The following TSPOAP1 variants were observed in gnomAD, a reference collection of about 807,000 sequenced individuals.
The protein encoded by TSPOAP1 is peripheral-type benzodiazepine receptor-associated protein 1.
A neutral mutation model predicts 197.0 loss-of-function variants in TSPOAP1; 87 were observed. That is an observed-to-expected ratio of 0.44 (90% CI 0.37 to 0.53). The LOEUF is 0.53. TSPOAP1 is among the 20% of genes least tolerant of loss of function. The pLI is 0.00. For missense variants in TSPOAP1, 2,174 were observed against 2,411.3 expected (o/e 0.90, Z 2.06); for synonymous variants, 913 against 998.9 (o/e 0.91, Z 1.62).
chr17:58,311,869 C>A (rs1367539091), intron 17 of TSPOAP1, 23 bp downstream of exon 17: 2 of 1,512,920 alleles, frequency 1.3e-6, no homozygotes, highest in East Asian at 4.6e-5. Flanking sequence ...GTGTTCTGGA[C>A]AACAGGGCCC....
chr17:58,307,027 C>T (rs964837309), intron 24 of TSPOAP1, 59 bp from the exon 25 acceptor site: 8 of 1,544,032 alleles, frequency 5.2e-6, no homozygotes, highest in East Asian at 2.3e-5. Flanking sequence ...CCCTAGGCCC[C>T]GAACCCCAGC....
rs1316754316 is a variant in TSPOAP1, at chr17:58,326,374, C to A, written c.489G>T (p.Lys163Asn). The A allele has an allele frequency of 6.2e-7, 1 of 1,614,056 alleles. No individual in the cohort carries two copies. The highest frequency in any genetic ancestry group is 2.2e-5 in the East Asian group (1 of 44,884). The change falls in exon 3 of 32, where the codon AAG becomes AAT. Residue 163 changes from lysine to asparagine, a missense_variant. Lys to Asn is a moderately conservative substitution (Grantham distance 94). Coordinates refer to ENST00000343736, the MANE Select transcript of TSPOAP1 (RefSeq NM_004758.4). This position sits in a 1 kb window ranked among gnomAD's most constrained non-coding sequence, Gnocchi z 4.7. ...PETEEKVRRL[K>N]RKNAELAVIA... The stretch of plus-strand genomic sequence containing the variant: ...TGACCGCCAGCTCGGCGTTCTTCCT[C>A]TTCAGCCTCCGCACCTTCTCTTCTG...
In TSPOAP1 at chr17:58,308,630, G is replaced by T; in HGVS notation, c.4642C>A (p.Pro1548Thr). 1 of 1,607,924 alleles carries T rather than the reference G, an allele frequency of 6.2e-7. No individual in the cohort carries two copies. The highest frequency in any genetic ancestry group is 8.5e-7 in the Non-Finnish European group (1 of 1,176,102). Residue 1548 changes from proline (P) to threonine (T), a missense_variant, in exon 22 of 32, where the codon CCC becomes ACC. Physicochemically the swap from Pro to Thr is conservative, Grantham distance 38 (BLOSUM62 -1). Coordinates refer to ENST00000343736, the MANE Select transcript of TSPOAP1 (RefSeq NM_004758.4). ...TCCCAGGCTGGGAGGCGTGGGTAGG[G>T]CTTGGGGCCTGAATTGGCCTTCGGA... ...GPPKANSGPK[P>T]YPRLPAWEKG...
In TSPOAP1 at chr17:58,304,357, T is replaced by G. The variant is rs771370068; in HGVS notation, c.*13A>C. ...ACTTACATGTTGCTCTCTCTACATA[T>G]ATCTATCTCCATCTAGCACTGGACT... On this transcript the variant is annotated 3_prime_UTR_variant, in exon 31 of 32. Coordinates refer to ENST00000343736, the MANE Select transcript of TSPOAP1 (RefSeq NM_004758.4). The surrounding 1 kb of genome is among the most constrained non-coding windows in gnomAD (Gnocchi z 4.2). 6.2e-7 allele frequency: 1 copy of G among 1,613,906 alleles called. No homozygotes were observed. The highest frequency in any genetic ancestry group is 8.5e-7 in the Non-Finnish European group (1 of 1,179,768).
Position 58,305,913 on chromosome 17 carries a change from G to A in TSPOAP1, c.5225-48C>T, listed in dbSNP as rs779201128. 32 of 1,195,106 alleles carry A rather than the reference G, an allele frequency of 2.7e-5. No homozygotes were observed. The African/African-American group carries it at 4.2e-4, about 16-fold the overall frequency. The allele number at this position is 1,195,106 out of a possible 1,614,324, so 74.0% of individuals were successfully genotyped here. On this transcript the variant is annotated intron_variant, in intron 26 of 31. Coordinates refer to ENST00000343736, the MANE Select transcript of TSPOAP1 (RefSeq NM_004758.4). ...AGCCCCCTCCCACCCTGCCCACCCA[G>A]GCTGCAGGTGCTGCAGCGCAGGCCA...
rs531882972 is a variant in TSPOAP1, at chr17:58,304,788, T to C, written c.5544+273A>G. ...AGGGGTCCTTTTCCACAGGGCCCCCTCACCTGCGTCAGCCACCAGGTGTTG... is the reference window on the plus strand; with the variant it reads ...AGGGGTCCTTTTCCACAGGGCCCCCCCACCTGCGTCAGCCACCAGGTGTTG... On this transcript the variant is annotated intron_variant, in intron 30 of 31. Coordinates refer to ENST00000343736, the MANE Select transcript of TSPOAP1 (RefSeq NM_004758.4). This position sits in a 1 kb window ranked among gnomAD's most constrained non-coding sequence, Gnocchi z 4.2. 3.3e-6 allele frequency: 2 copies of C among 603,184 alleles called. No individual in the cohort carries two copies. Among genetic ancestry groups the C allele is most frequent in the East Asian group, 5.8e-5 (2 of 34,538 alleles). 37.4% of individuals were successfully genotyped at this position (603,184 alleles called of 1,614,324 possible).
Position 58,328,170 on chromosome 17 carries a change from G to A in TSPOAP1, c.-250C>T, listed in dbSNP as rs1201904997. 5 of 548,742 alleles carry A rather than the reference G, an allele frequency of 9.1e-6. No individual in the cohort carries two copies. Among genetic ancestry groups the A allele is most frequent in the Non-Finnish European group, 1.6e-5 (5 of 304,902 alleles). 34.0% of individuals were successfully genotyped at this position (548,742 alleles called of 1,614,324 possible). A position where few individuals can be genotyped will look rare whatever the true frequency, so the allele number is the denominator to read the frequency against. ...AGCTGTGTGTGTGCGCGAGTATGTGGAGGAGCGAGGGTGTCCCTGTGGGGG... is the reference window on the plus strand; with the variant it reads ...AGCTGTGTGTGTGCGCGAGTATGTGAAGGAGCGAGGGTGTCCCTGTGGGGG... On this transcript the variant is annotated 5_prime_UTR_variant, in exon 1 of 32. Coordinates refer to ENST00000343736, the MANE Select transcript of TSPOAP1 (RefSeq NM_004758.4). The surrounding 1 kb of genome is among the most constrained non-coding windows in gnomAD (Gnocchi z 4.3).
chr17:58,320,091 T>C lies in TSPOAP1; in HGVS notation c.1494+18A>G, dbSNP rs1195941019. 2 of 1,613,646 alleles carry C rather than the reference T, an allele frequency of 1.2e-6. No individual in the cohort carries two copies. Among genetic ancestry groups the C allele is most frequent in the Non-Finnish European group, 1.7e-6 (2 of 1,179,898 alleles). The stretch of plus-strand genomic sequence containing the variant: ...GCCAGCCTGGAGAGGTGTGGGGAAG[T>C]GGAGAACGAGGCGCTACCTGCATGG... On this transcript the variant is annotated intron_variant, in intron 12 of 31. Coordinates refer to ENST00000343736, the MANE Select transcript of TSPOAP1 (RefSeq NM_004758.4).
At position 58,308,554 on chromosome 17, in the gene TSPOAP1, T is replaced by C. The variant is rs1236294622; in HGVS notation, c.4718A>G (p.Glu1573Gly). The C allele has an allele frequency of 6.5e-7, 1 of 1,534,258 alleles. No individual in the cohort carries two copies. Among genetic ancestry groups the C allele is most frequent in the Non-Finnish European group, 8.8e-7 (1 of 1,139,158 alleles). Residue 1573 changes from glutamate (E) to glycine (G), a missense_variant, in exon 22 of 32, where the codon GAG (glutamate) becomes GGG (glycine). Coordinates refer to ENST00000343736, the MANE Select transcript of TSPOAP1 (RefSeq NM_004758.4). Reference sequence around the variant, plus strand: ...GTGAGCACGGACCCGGGAGAGTGGCTCCTTGGCTCTGCCCGTCGCACTGCG... The same window carrying C: ...GTGAGCACGGACCCGGGAGAGTGGCCCCTTGGCTCTGCCCGTCGCACTGCG... ...RGRSATGRAK[E>G]PLSRATETGE...
rs201045149 is a variant in TSPOAP1 at position 58,305,103 on chromosome 17, G to A, written c.5502C>T (p.Gly1834=). Reference sequence around the variant, plus strand: ...GTGTCCTGGGTTCCCTGTCCAGGCCGCCTGCCTCAGGCCCAGGGCCCTCCA... The same window carrying A: ...GTGTCCTGGGTTCCCTGTCCAGGCCACCTGCCTCAGGCCCAGGGCCCTCCA... The part of the protein sequence containing the change: ...NFLEGPGPEA[G]GLDREPRTPQ... Residue 1834 remains glycine, a synonymous_variant, in exon 30 of 32, where the codon GGC becomes GGT. Transcript: ENST00000343736. The A allele has an allele frequency of 4.5e-4, 723 of 1,613,938 alleles. 1 individual carries two copies. The highest frequency in any genetic ancestry group is 1.7e-3 in the East Asian group (77 of 44,878).
chr17:58,326,306 G>T lies in TSPOAP1; in HGVS notation c.557C>A (p.Thr186Lys). ...TCCTTTCCTCACCACCCTCAGGTTC[G>T]TTTCCTGCAGCTTTCGGGCCCTCTC... ...LEERARKLQE[T>K]NLRVVSAPLP... The change falls in exon 3 of 32, where the codon ACG becomes AAG. Residue 186 changes from threonine to lysine, a missense_variant. Coordinates refer to ENST00000343736, the MANE Select transcript of TSPOAP1 (RefSeq NM_004758.4). This position sits in a 1 kb window ranked among gnomAD's most constrained non-coding sequence, Gnocchi z 4.7. 6.2e-7 allele frequency: 1 copy of T among 1,613,974 alleles called. No homozygotes were observed. The highest frequency in any genetic ancestry group is 8.5e-7 in the Non-Finnish European group (1 of 1,179,980).
chr17:58,319,374 C>T (rs886919434), intron 12 of TSPOAP1, 80 bp from the exon 13 acceptor site: 3 of 1,430,192 alleles, frequency 2.1e-6, no homozygotes, highest in Non-Finnish European at 2.8e-6. Context: ...CACAGCCCTA[C>T]ACTGGGTTTC....
Position 58,318,542 on chromosome 17 carries a change from C to G in TSPOAP1, c.1700-90G>C, listed in dbSNP as rs747075099. On this transcript the variant is annotated intron_variant, in intron 13 of 31. Transcript: ENST00000343736. ...GTGCTTCTTGGATATGGGGACCAGG[C>G]CCTCCATAGCCGGGCTTCCTTACAA... 14 of 1,276,272 alleles carry G rather than the reference C, an allele frequency of 1.1e-5. No homozygotes were observed. In the East Asian group the frequency reaches 3.3e-4, roughly 30 times the overall value. 79.1% of individuals were successfully genotyped at this position (1,276,272 alleles called of 1,614,324 possible).
chr17:58,321,447 G>A (rs1038077966), intron 10 of TSPOAP1, among the ~76,000 whole-genome samples: 7 of 152,020 alleles, frequency 4.6e-5, no homozygotes, highest in African/African-American at 1.2e-4. Context: ...ACAGGGGCCC[G>A]CCACCATGTC....
chr17:58,309,731 T>C lies in TSPOAP1; in HGVS notation c.3891+236A>G, dbSNP rs756690658. On this transcript the variant is annotated intron_variant, in intron 21 of 31. Coordinates refer to ENST00000343736, the MANE Select transcript of TSPOAP1 (RefSeq NM_004758.4). This position sits in a 1 kb window ranked among gnomAD's most constrained non-coding sequence, Gnocchi z 5.0. ...GGCCTCCCCTGGCCAGGGCGCTGTA[T>C]CTGGTGGGCTGGAGGGAGAGAAGGT... Among the ~76,000 whole-genome samples, 1 of 152,142 alleles carries C rather than the reference T, an allele frequency of 6.6e-6. No individual in the cohort carries two copies. The highest frequency in any genetic ancestry group is 1.5e-5 in the Non-Finnish European group (1 of 68,024).
Position 58,322,770 on chromosome 17 carries a change from A to C in TSPOAP1, c.1201T>G (p.Trp401Gly), listed in dbSNP as rs750080886. 8.1e-6 allele frequency: 13 copies of C among 1,610,456 alleles called. No homozygotes were observed. The Admixed American group carries it at 2.2e-4, about 27-fold the overall frequency. The change falls in exon 9 of 32, where the codon TGG becomes GGG. Residue 401 changes from tryptophan to glycine, a missense_variant. Around this residue, in one of 5 missense-constraint regions of TSPOAP1, gnomAD observed 1,933 missense variants for 2,139.0 expected, o/e 0.90. Transcript: ENST00000343736. The surrounding 1 kb of genome is among the most constrained non-coding windows in gnomAD (Gnocchi z 5.0). ...TGGCCCCTCAGCTCCGCATTCTCCC[A>C]CTCCACCTGGCGAGGGGGCAGTGAC... ...GRATEKEQVE[W>G]ENAELRGQLL...
At chr17:58,314,132 G>T (rs1219579766) in intron 16 of TSPOAP1, among the ~76,000 whole-genome samples, 1 of 152,114 alleles carries the variant, frequency 6.6e-6, no homozygotes, top group African/African-American at 2.4e-5. Context: ...CTGAGCTGCA[G>T]GGGGGCCTGG....
At position 58,307,078 on chromosome 17, in the gene TSPOAP1, G is replaced by T. The variant is rs1202184322; in HGVS notation, c.4984-110C>A. The T allele has an allele frequency of 2.5e-5, 30 of 1,207,576 alleles. No homozygotes were observed. The East Asian group carries it at 7.2e-4, about 29-fold the overall frequency. 74.8% of individuals were successfully genotyped at this position (1,207,576 alleles called of 1,614,324 possible). ...AATGCAGAAGAATGTTCTCCCTTTT[G>T]TATGCCATGAAATGGGAAAAGGGGG... On this transcript the variant is annotated intron_variant, in intron 24 of 31. Coordinates refer to ENST00000343736, the MANE Select transcript of TSPOAP1 (RefSeq NM_004758.4).
chr17:58,325,783 C>T lies in TSPOAP1; in HGVS notation c.571-70G>A, dbSNP rs574442385. The T allele has an allele frequency of 3.5e-4, 515 of 1,488,276 alleles. 2 individuals carry two copies. The African/African-American group carries it at 6.5e-3, about 19-fold the overall frequency. The allele number at this position is 1,488,276 out of a possible 1,614,324, so 92.2% of individuals were successfully genotyped here. A position where few individuals can be genotyped will look rare whatever the true frequency, so the allele number is the denominator to read the frequency against. ...GCACTTCTCCCACTCCTCATCTCCT[C>T]CCAAAGGAGGAGTTAGCATGAAAAC... On this transcript the variant is annotated intron_variant, in intron 3 of 31. Coordinates refer to ENST00000343736, the MANE Select transcript of TSPOAP1 (RefSeq NM_004758.4).
Sources: gnomAD v4.1 joint callset for allele counts (sites outside exome capture counted in the v4.1 genomes callset) on GRCh38, gnomAD v4.1.1 for gene constraint, gnomAD v4.1.1 regional missense constraint, Gnocchi (gnomAD v3.1) non-coding constraint, MANE v1.5 for transcripts, NCBI Gene and HGNC (gene_info 2026-07-23, HGNC 2026-07-21) for gene names.